CACNA2D3: variants seen among roughly 807,000 people sequenced by gnomAD.
CACNA2D3 encodes calcium voltage-gated channel auxiliary subunit alpha2delta 3.
Under a neutral mutation model 160.6 loss-of-function variants are expected in CACNA2D3, and 60 were observed. That is an observed-to-expected ratio of 0.37 (90% CI 0.30 to 0.46). The LOEUF is 0.46. CACNA2D3 is among the 20% of genes least tolerant of loss of function. CACNA2D3 has a pLI of 1.00. For missense variants in CACNA2D3, 1,205 were observed against 1,365.0 expected (o/e 0.88, Z 1.85); for synonymous variants, 558 against 492.9 (o/e 1.13, Z -1.75).
At chr3:54,729,920 A>G (rs1318192212) in intron 11 of CACNA2D3, among the ~76,000 whole-genome samples, 1 of 151,038 alleles carries the variant, frequency 6.6e-6, no homozygotes, top group African/African-American at 2.4e-5. Context: ...AATGCCATGA[A>G]CCCAGGAGGC....
chr3:54,422,648 A>G (rs1699855163), intron 4 of CACNA2D3, among the ~76,000 whole-genome samples: 1 of 152,156 alleles, frequency 6.6e-6, no homozygotes, highest in Admixed American at 6.5e-5. Context: ...TTTAACAATC[A>G]GTTGGCAAAA....
chr3:54,979,661 AC>A (rs1702465005), intron 29 of CACNA2D3, among the ~76,000 whole-genome samples: 1 of 152,012 alleles, frequency 6.6e-6, no homozygotes, highest in African/African-American at 2.4e-5. Context: ...CATGCAGTTG[AC>A]TCCTATTCTG....
intron 2 of CACNA2D3, among the ~76,000 whole-genome samples, chr3:54,143,109 A>G (rs1699967337): frequency 6.6e-6 from 1 of 152,226 alleles, no homozygotes; most frequent in Admixed American, 6.5e-5. Context: ...TAAGACACAC[A>G]CTGGTTATAC....
intron 4 of CACNA2D3, among the ~76,000 whole-genome samples, chr3:54,420,555 G>C (rs965827778): frequency 2.6e-5 from 4 of 152,166 alleles, no homozygotes; most frequent in Admixed American, 2.0e-4. Flanking sequence ...CCAGTCTCAG[G>C]TTATTATTTG....
At chr3:54,385,364 G>A (rs1023926727) in intron 3 of CACNA2D3, among the ~76,000 whole-genome samples, 4 of 152,234 alleles carry the variant, frequency 2.6e-5, no homozygotes, top group South Asian at 2.1e-4. Context: ...AGGGTCCTGC[G>A]CAAGATTTCA....
At chr3:54,294,208 G>A (rs984713679) in intron 2 of CACNA2D3, among the ~76,000 whole-genome samples, 7 of 152,190 alleles carry the variant, frequency 4.6e-5, no homozygotes, top group African/African-American at 1.7e-4. Flanking sequence ...GATCATCTCT[G>A]CCACCCTGTG....
chr3:54,438,247 A>T (rs1034207731), intron 4 of CACNA2D3, among the ~76,000 whole-genome samples: 4 of 152,194 alleles, frequency 2.6e-5, no homozygotes, highest in African/African-American at 9.7e-5. Context: ...ATTCATTTTA[A>T]AATGATATGT....
intron 3 of CACNA2D3, among the ~76,000 whole-genome samples, chr3:54,358,298 A>C (rs1304521586): frequency 6.6e-6 from 1 of 152,258 alleles, no homozygotes; most frequent in Non-Finnish European, 1.5e-5. Flanking sequence ...TTATTTAAAA[A>C]GTATTATTTA....
At chr3:54,287,488 C>T (rs1170578730) in intron 2 of CACNA2D3, among the ~76,000 whole-genome samples, 5 of 150,492 alleles carry the variant, frequency 3.3e-5, no homozygotes, top group East Asian at 2.0e-4. Context: ...GAGACTTTAA[C>T]ACCCCACTGT....
intron 4 of CACNA2D3, among the ~76,000 whole-genome samples, chr3:54,462,738 G>A (rs1203495837): frequency 6.6e-6 from 1 of 152,124 alleles, no homozygotes; most frequent in African/African-American, 2.4e-5. Context: ...CAATTTGCCA[G>A]TCTGTGTCTT....
intron 11 of CACNA2D3, among the ~76,000 whole-genome samples, chr3:54,656,035 A>C (rs1293763644): frequency 6.6e-6 from 1 of 152,204 alleles, no homozygotes; most frequent in Non-Finnish European, 1.5e-5. Context: ...AGTAGTGCCC[A>C]GTGTCTACTG....
At chr3:54,508,321 C>T (rs574894526) in intron 5 of CACNA2D3, among the ~76,000 whole-genome samples, 1 of 152,172 alleles carries the variant, frequency 6.6e-6, no homozygotes, top group Non-Finnish European at 1.5e-5. Flanking sequence ...TTCCCACTCA[C>T]ACTGAAGAAG....
intron 35 of CACNA2D3, among the ~76,000 whole-genome samples, chr3:55,030,698 A>G (rs1178186937): frequency 6.6e-6 from 1 of 152,142 alleles, no homozygotes; most frequent in Non-Finnish European, 1.5e-5. Flanking sequence ...TACTGGGGAC[A>G]GGGTTTCCCT....
At chr3:54,123,261 T>C (rs1050625473) in intron 1 of CACNA2D3, among the ~76,000 whole-genome samples, 2 of 151,992 alleles carry the variant, frequency 1.3e-5, no homozygotes, top group African/African-American at 4.8e-5. Context: ...AACTCAGTGG[T>C]CTTTTTAGAG....
At chr3:54,227,347 C>T (rs1396397077) in intron 2 of CACNA2D3, among the ~76,000 whole-genome samples, 1 of 151,970 alleles carries the variant, frequency 6.6e-6, no homozygotes, top group East Asian at 1.9e-4. Context: ...CATTTAGTAG[C>T]CTCCTAAAGT....
At chr3:54,782,861 G>A (rs1702560848) in intron 13 of CACNA2D3, among the ~76,000 whole-genome samples, 1 of 152,170 alleles carries the variant, frequency 6.6e-6, no homozygotes, top group African/African-American at 2.4e-5. Flanking sequence ...CCTAACGGTG[G>A]AGTAGGGCAG....
chr3:54,561,967 T>A (rs1702332400), intron 5 of CACNA2D3, among the ~76,000 whole-genome samples: 1 of 152,198 alleles, frequency 6.6e-6, no homozygotes, highest in African/African-American at 2.4e-5. Context: ...GGAGTGCCCC[T>A]TTATAAAAAG....
At chr3:54,471,153 A>G (rs1190172004) in intron 4 of CACNA2D3, among the ~76,000 whole-genome samples, 1 of 152,190 alleles carries the variant, frequency 6.6e-6, no homozygotes, top group Non-Finnish European at 1.5e-5. Context: ...TGACTATGTA[A>G]TTGGAAGTAA....
intron 3 of CACNA2D3, among the ~76,000 whole-genome samples, chr3:54,357,065 C>T (rs929817926): frequency 5.3e-5 from 8 of 152,146 alleles, no homozygotes; most frequent in African/African-American, 1.9e-4. Context: ...CACATGGCTC[C>T]TCCCTTAGCT....
Sources: allele counts gnomAD v4.1 joint callset (sites outside exome capture counted in the v4.1 genomes callset), GRCh38; gene constraint gnomAD v4.1.1; transcripts MANE v1.5; gene names NCBI Gene and HGNC (gene_info 2026-07-23, HGNC 2026-07-21).